Variants in ALDH3B2 observed in about 807,000 individuals in gnomAD.
ALDH3B2 encodes the protein aldehyde dehydrogenase 3 family member B2.
Under a neutral mutation model 36.7 loss-of-function variants are expected in ALDH3B2, and 45 were observed. The observed-to-expected ratio is 1.23, with a 90% confidence interval of 0.97 to 1.57. ALDH3B2 has a LOEUF of 1.57. ALDH3B2 is among the 40% of genes most tolerant of loss of function. The pLI is 0.00. For synonymous variants in ALDH3B2, 217 were observed against 226.5 expected, an observed-to-expected ratio of 0.96 and a Z score of 0.38; for missense variants, 464 against 513.3, an observed-to-expected ratio of 0.90 and a Z score of 0.93.
At chr11:67,663,283 G>A (rs756927970) in exon 10 of ALDH3B2, 1 of 1,614,050 alleles carries the variant, frequency 6.2e-7, no homozygotes, top group East Asian at 2.2e-5. Flanking sequence ...TCGGTATAGG[G>A]TGGGTAGTGG....
At chr11:67,667,529 A>C (rs1325988798) in exon 2 of ALDH3B2, 1 of 387,108 alleles carries the variant, frequency 2.6e-6, no homozygotes, top group Non-Finnish European at 4.7e-6. Context: ...TCTTGAAGGA[A>C]GTGGCCCAGG....
intron 1 of ALDH3B2, among the ~76,000 whole-genome samples, chr11:67,669,464 CTGTGTGTGTATGGGTGTT>C (rs1856019572): frequency 1.2e-5 from 1 of 81,516 alleles, no homozygotes; most frequent in Non-Finnish European, 2.6e-5. Context: ...GTATGGATGT[CTGTGTGTGTATGGGTGTT>C]TGTGTATGGA....
exon 7 of ALDH3B2, chr11:67,665,543 G>C: frequency 6.2e-7 from 1 of 1,614,104 alleles, no homozygotes. Flanking sequence ...CAGGCCACGC[G>C]GTTGGCCACG....
At chr11:67,668,051 A>G (rs1045291203) in intron 1 of ALDH3B2, 5 of 152,756 alleles carry the variant, frequency 3.3e-5, no homozygotes, top group East Asian at 1.9e-4. Flanking sequence ...GACCACTCAG[A>G]TGGAACAGAG....
At chr11:67,667,060 GC>G in intron 2 of ALDH3B2, 44 bp from the exon 3 acceptor site, 1 of 1,169,386 alleles carries the variant, frequency 8.6e-7, no homozygotes, top group Non-Finnish European at 1.3e-6. Flanking sequence ...CCAGACCTGG[GC>G]CAGGAGGGGT....
Position 67,663,250 on chromosome 11 carries a change from A to C in ALDH3B2, c.1123T>G (p.Trp375Gly), listed in dbSNP as rs12292126. The C allele has an allele frequency of 9.1e-4, 1,464 of 1,613,192 alleles. 12 individuals carry two copies. The African/African-American group carries it at 0.017, about 19-fold the overall frequency. The change falls in exon 10 of 10, where the codon TGG (tryptophan) becomes GGG (glycine). Residue 375 changes from tryptophan to glycine, a missense_variant. Trp to Gly is a radical substitution (Grantham distance 184). Coordinates refer to ENST00000349015, the Ensembl canonical transcript of ALDH3B2. The stretch of plus-strand genomic sequence containing the variant: ...GTGCAGCTCTGGGAGCCCATGCCCC[A>C]GCGTAACAGCTGCTGGTTCCAGTCG...
chr11:67,674,725 G>A (rs1266899221), upstream of ALDH3B2: 7 of 152,504 alleles, frequency 4.6e-5, no homozygotes, highest in East Asian at 7.7e-4. Flanking sequence ...ATAGCTGCTC[G>A]GTGTCTGCCC....
chr11:67,675,974 G>A (rs549442490), upstream of ALDH3B2, among the ~76,000 whole-genome samples: 4 of 152,166 alleles, frequency 2.6e-5, no homozygotes, highest in Non-Finnish European at 4.4e-5. Context: ...GGTCGGGTGC[G>A]GTGGCTCATG....
chr11:67,669,783 TG>T (rs1274834575), intron 1 of ALDH3B2, among the ~76,000 whole-genome samples: 1 of 130,680 alleles, frequency 7.7e-6, no homozygotes, highest in Admixed American at 7.4e-5. Context: ...TGGGTGTCTG[TG>T]TGTGTATGGG....
exon 7 of ALDH3B2, chr11:67,665,589 G>T (rs866591737): frequency 6.2e-7 from 1 of 1,614,112 alleles, no homozygotes; most frequent in Middle Eastern, 1.6e-4. Flanking sequence ...CGTAGCAGGG[G>T]TTCTTGCCCC....
exon 7 of ALDH3B2, chr11:67,665,426 G>A (rs776019552): frequency 5.6e-6 from 9 of 1,613,976 alleles, no homozygotes; most frequent in Admixed American, 5.0e-5. Flanking sequence ...CCATAGAAAC[G>A]GGTGATGGTG....
chr11:67,665,458 C>T, exon 7 of ALDH3B2: 1 of 1,614,056 alleles, frequency 6.2e-7, no homozygotes, highest in Non-Finnish European at 8.5e-7. Context: ...GGGCAGCAGC[C>T]TCTCCTGCAT....
exon 10 of ALDH3B2, chr11:67,662,211 CTA>C (rs1855763844): frequency 6.6e-6 from 1 of 152,246 alleles, no homozygotes; most frequent in Non-Finnish European, 1.5e-5. Flanking sequence ...CCTATCTGGG[CTA>C]TGAGTGCTTG....
upstream of ALDH3B2, among the ~76,000 whole-genome samples, chr11:67,676,787 T>C (rs1043342810): frequency 6.6e-6 from 1 of 151,958 alleles, no homozygotes; most frequent in African/African-American, 2.4e-5. Flanking sequence ...CTGACACCAC[T>C]GAAATATAAA....
exon 2 of ALDH3B2, chr11:67,667,614 C>T (rs1131725): frequency 3.6e-5 from 13 of 361,356 alleles, no homozygotes; most frequent in East Asian, 1.1e-4. Context: ...GCCGCCGCAG[C>T]GTGTCCTCGA....
intron 2 of ALDH3B2, 45 bp downstream of exon 2, chr11:67,667,428 G>A: frequency 2.8e-6 from 1 of 350,916 alleles, no homozygotes; most frequent in South Asian, 9.0e-5. Context: ...AAGAGGACAG[G>A]GACGCTGCTC....
exon 5 of ALDH3B2, chr11:67,666,316 C>G (rs1355802604): frequency 6.2e-7 from 1 of 1,608,346 alleles, no homozygotes; most frequent in Admixed American, 1.7e-5. Flanking sequence ...CCACCCTCAC[C>G]TGGTCCAGGT....
upstream of ALDH3B2, among the ~76,000 whole-genome samples, chr11:67,677,810 C>A (rs201575934): frequency 6.6e-6 from 1 of 152,004 alleles, no homozygotes; most frequent in Non-Finnish European, 1.5e-5. Context: ...CCACCAACAG[C>A]GACCAAGCAG....
At chr11:67,672,089 G>GTATA (rs1856137425) in intron 1 of ALDH3B2, among the ~76,000 whole-genome samples, 2 of 74,336 alleles carry the variant, frequency 2.7e-5, no homozygotes, top group African/African-American at 6.7e-5. Flanking sequence ...ATATATATAT[G>GTATA]TATGTATGTA....
Sources: allele counts gnomAD v4.1 joint callset (sites outside exome capture counted in the v4.1 genomes callset), GRCh38; gene constraint gnomAD v4.1.1; transcripts MANE v1.5; gene names NCBI Gene and HGNC (gene_info 2026-07-23, HGNC 2026-07-21).